SRPK2: variants seen among roughly 807,000 people sequenced by gnomAD.
SRPK2 encodes the protein SFRS protein kinase 2.
Under a neutral mutation model 90.8 loss-of-function variants are expected in SRPK2, and 21 were observed. That is an observed-to-expected ratio of 0.23 (90% CI 0.16 to 0.33). The LOEUF (loss-of-function observed/expected upper bound fraction) is 0.33, where lower values mean the gene tolerates loss of function less well. SRPK2 is among the 10% of genes least tolerant of loss of function. The pLI, the probability that SRPK2 is intolerant of heterozygous loss-of-function variation, is 1.00. For missense variants in SRPK2, 620 were observed against 869.0 expected (o/e 0.71, Z 3.60); for synonymous variants, 288 against 311.1 (o/e 0.93, Z 0.78).
chr7:105,394,082 T>G (rs1005458323), upstream of SRPK2, among the ~76,000 whole-genome samples: 1 of 152,146 alleles, frequency 6.6e-6, no homozygotes, highest in Non-Finnish European at 1.5e-5. Flanking sequence ...GGACAGTTCA[T>G]GTAAATGGAA....
At chr7:105,160,045 G>A (rs1054708855) in intron 7 of SRPK2, among the ~76,000 whole-genome samples, 16 of 152,124 alleles carry the variant, frequency 1.1e-4, no homozygotes, top group African/African-American at 3.6e-4. Context: ...TCATCATACT[G>A]TCTATTAGAT....
intron 2 of SRPK2, among the ~76,000 whole-genome samples, chr7:105,361,948 C>A (rs1465084163): frequency 1.3e-5 from 1 of 75,448 alleles, no homozygotes; most frequent in Non-Finnish European, 2.8e-5. Flanking sequence ...ACCGAAAGCG[C>A]CTGGCAACAA....
At chr7:105,194,053 T>G (rs1794621779) in intron 3 of SRPK2, among the ~76,000 whole-genome samples, 4 of 152,212 alleles carry the variant, frequency 2.6e-5, no homozygotes, top group Admixed American at 2.6e-4. Context: ...GGTCTTTTCA[T>G]TTTTAAAAAT....
chr7:105,312,454 A>AAAAAC (rs1811824996), intron 2 of SRPK2, among the ~76,000 whole-genome samples: 1 of 151,384 alleles, frequency 6.6e-6, no homozygotes, highest in African/African-American at 2.4e-5. Context: ...AAAAAAAAAA[A>AAAAAC]CAAGCGGGGG....
At chr7:105,351,178 G>C (rs528345728) in intron 2 of SRPK2, among the ~76,000 whole-genome samples, 1 of 152,140 alleles carries the variant, frequency 6.6e-6, no homozygotes, top group South Asian at 2.1e-4. Context: ...ATAAGAGGAA[G>C]AGACCTGAGC....
chr7:105,261,680 T>A (rs1325518286), intron 2 of SRPK2, among the ~76,000 whole-genome samples: 1 of 152,186 alleles, frequency 6.6e-6, no homozygotes, highest in Non-Finnish European at 1.5e-5. Flanking sequence ...AGCTCATAAT[T>A]TGTAAAATGC....
intron 3 of SRPK2, among the ~76,000 whole-genome samples, chr7:105,195,736 T>G (rs946846881): frequency 6.6e-6 from 1 of 152,212 alleles, no homozygotes; most frequent in African/African-American, 2.4e-5. Flanking sequence ...AAATATAACA[T>G]TCTTCCTTTT....
At chr7:105,290,346 T>C (rs1055978983) in intron 2 of SRPK2, among the ~76,000 whole-genome samples, 6 of 151,394 alleles carry the variant, frequency 4.0e-5, no homozygotes, top group African/African-American at 1.5e-4. Context: ...ATATAAAAAA[T>C]TAGCCAGGCA....
intron 2 of SRPK2, among the ~76,000 whole-genome samples, chr7:105,216,006 C>G (rs780211186): frequency 6.7e-6 from 1 of 148,774 alleles, no homozygotes; most frequent in Non-Finnish European, 1.5e-5. Flanking sequence ...TAATATGCCA[C>G]GATCACACCT....
Position 105,289,719 on chromosome 7 carries a change from AAC to A in SRPK2, c.72-85936_72-85935del, listed in dbSNP as rs527453659. 4.6e-3 allele frequency among the ~76,000 whole-genome samples: 693 copies of A among 152,302 alleles called. 5 individuals are homozygous for A. Among genetic ancestry groups the A allele is most frequent in the African/African-American group, 0.016 (663 of 41,552 alleles). ...TCTTATCATTTGTGTTCACTGAAGT[AAC>A]ACTTTAAATTTCCGTCAAAAATTTT... On this transcript the variant is annotated intron_variant, in intron 2 of 15. Transcript: ENST00000393651.
chr7:105,291,813 A>G (rs1366530945), intron 2 of SRPK2, among the ~76,000 whole-genome samples: 1 of 152,190 alleles, frequency 6.6e-6, no homozygotes, highest in Admixed American at 6.5e-5. Context: ...AAAAATTAAC[A>G]GCATGAATAT....
intron 3 of SRPK2, among the ~76,000 whole-genome samples, chr7:105,197,851 A>G (rs1795110812): frequency 6.6e-6 from 1 of 152,220 alleles, no homozygotes; most frequent in Non-Finnish European, 1.5e-5. Flanking sequence ...CAAGAGATGA[A>G]AACTGTACAA....
At chr7:105,232,037 T>C (rs1300380605) in intron 2 of SRPK2, among the ~76,000 whole-genome samples, 3 of 152,144 alleles carry the variant, frequency 2.0e-5, no homozygotes, top group Non-Finnish European at 2.9e-5. Context: ...TTACCTTTTG[T>C]AGAGATGGGT....
chr7:105,121,129 C>T (rs1375543408), intron 15 of SRPK2, among the ~76,000 whole-genome samples: 3 of 152,126 alleles, frequency 2.0e-5, no homozygotes, highest in Non-Finnish European at 4.4e-5. Context: ...AGGAAGATCA[C>T]CTGAGGTCAG....
intron 2 of SRPK2, among the ~76,000 whole-genome samples, chr7:105,369,516 G>A (rs1444325879): frequency 6.6e-6 from 1 of 152,038 alleles, no homozygotes; most frequent in Non-Finnish European, 1.5e-5. Flanking sequence ...TGATCCAGGT[G>A]CTCTGTAAAG....
At chr7:105,177,144 C>A (rs769273600) in intron 3 of SRPK2, among the ~76,000 whole-genome samples, 1 of 151,760 alleles carries the variant, frequency 6.6e-6, no homozygotes, top group Non-Finnish European at 1.5e-5. Flanking sequence ...AAAAAAAACA[C>A]ATAAAAAAGA....
intron 2 of SRPK2, among the ~76,000 whole-genome samples, chr7:105,350,452 C>G (rs950128365): frequency 4.0e-5 from 6 of 151,402 alleles, no homozygotes. Flanking sequence ...CTTGATACAG[C>G]TGGCATTATG....
At chr7:105,291,915 T>G (rs962583229) in intron 2 of SRPK2, among the ~76,000 whole-genome samples, 1 of 152,222 alleles carries the variant, frequency 6.6e-6, no homozygotes, top group African/African-American at 2.4e-5. Context: ...ATTTCCTGTA[T>G]TAAATACATT....
At chr7:105,309,570 TC>T (rs1811488748) in intron 2 of SRPK2, among the ~76,000 whole-genome samples, 1 of 152,142 alleles carries the variant, frequency 6.6e-6, no homozygotes, top group Non-Finnish European at 1.5e-5. Context: ...CAGAACCCCA[TC>T]TTTTACAAAA....
Sources: allele counts gnomAD v4.1 joint callset (sites outside exome capture counted in the v4.1 genomes callset), GRCh38; gene constraint gnomAD v4.1.1; transcripts MANE v1.5; gene names NCBI Gene and HGNC (gene_info 2026-07-23, HGNC 2026-07-21).